The following IBTK variants were observed in gnomAD, a reference collection of about 807,000 sequenced individuals.
IBTK encodes inhibitor of Bruton tyrosine kinase, also known as BTK-binding protein.
In IBTK, 83 loss-of-function variants were observed where a neutral mutation model predicts 154.9. That is an observed-to-expected ratio of 0.54 (90% confidence interval 0.45 to 0.64). IBTK has a LOEUF of 0.64. Among genes scored for constraint, IBTK ranks in the 30% least tolerant of loss-of-function variants. The pLI, the probability that IBTK is intolerant of heterozygous loss-of-function variation, is 0.00. For missense variants in IBTK, 1,332 were observed against 1,584.6 expected (o/e 0.84, Z 2.71); for synonymous variants, 515 against 536.1 (o/e 0.96, Z 0.54).
At position 82,212,709 on chromosome 6, in the gene IBTK, T is replaced by C. The variant is rs371962157; in HGVS notation, c.2289A>G (p.Lys763=). Residue 763 remains lysine (K), a splice_region_variant and synonymous_variant, in exon 13 of 29, where the codon AAA becomes AAG. Coordinates refer to ENST00000306270, the MANE Select transcript of IBTK (RefSeq NM_015525.4). ...TGNKLKLSQK[K]CSFLCDVTMK... The stretch of plus-strand genomic sequence containing the variant: ...TTAATCTTCCTTTCCTTACTTACCA[T>C]TTTTTCTGACTTAGCTTCAGTTTAT... 2 of 1,576,090 alleles carry C rather than the reference T, an allele frequency of 1.3e-6. No homozygotes were observed. The highest frequency in any genetic ancestry group is 1.3e-5 in the African/African-American group (1 of 74,168).
intron 5 of IBTK, 148 bp from the exon 6 acceptor site, chr6:82,225,795 A>G (rs1482277426): frequency 1.7e-6 from 1 of 605,138 alleles, no homozygotes; most frequent in African/African-American, 1.9e-5. Flanking sequence ...ACATTTCAGC[A>G]AAGGGTAGAT....
chr6:82,235,532 T>TG (rs1407117567), intron 2 of IBTK, among the ~76,000 whole-genome samples: 21 of 152,000 alleles, frequency 1.4e-4, no homozygotes, highest in African/African-American at 5.1e-4. Context: ...ACACAGAGGT[T>TG]GCAGTGAACC....
chr6:82,231,104 A>G (rs143574858), intron 4 of IBTK, among the ~76,000 whole-genome samples: 104 of 152,284 alleles, frequency 6.8e-4, no homozygotes, highest in African/African-American at 2.5e-3. Flanking sequence ...GTGAATACAA[A>G]TAATTAAATA....
At chr6:82,192,545 G>C (rs1172197737) in intron 23 of IBTK, among the ~76,000 whole-genome samples, 1 of 151,686 alleles carries the variant, frequency 6.6e-6, no homozygotes, top group South Asian at 2.1e-4. Flanking sequence ...TCAGGAGTTC[G>C]AGACCAGCCT....
chr6:82,178,756 C>G (rs1470571200), intron 26 of IBTK, among the ~76,000 whole-genome samples: 1 of 152,062 alleles, frequency 6.6e-6, no homozygotes, highest in East Asian at 1.9e-4. Flanking sequence ...AGCAAACTGC[C>G]CCAGTAAGTC....
intron 26 of IBTK, among the ~76,000 whole-genome samples, chr6:82,176,536 A>G (rs1322147062): frequency 6.6e-6 from 1 of 151,592 alleles, no homozygotes; most frequent in Admixed American, 6.6e-5. Context: ...AAAAAAAAAA[A>G]AAAAGAAACA....
At position 82,190,183 on chromosome 6, in the gene IBTK, T is replaced by C. The variant is rs73482636; in HGVS notation, c.3575+890A>G. On this transcript the variant is annotated intron_variant, in intron 25 of 28. Transcript: ENST00000306270. ...TAGCCCTAACAAGCACTGATTTAGTTCCATTGGTAACATTTAGAATAAAAT... is the reference window on the plus strand; with the variant it reads ...TAGCCCTAACAAGCACTGATTTAGTCCCATTGGTAACATTTAGAATAAAAT... 4.5e-3 allele frequency among the ~76,000 whole-genome samples: 680 copies of C among 152,316 alleles called. 4 individuals are homozygous for C. Among genetic ancestry groups the C allele is most frequent in the African/African-American group, 0.015 (623 of 41,568 alleles).
rs1401543554 is a variant in IBTK at position 82,223,492 on chromosome 6, T to C, written c.1072A>G (p.Arg358Gly). Residue 358 changes from arginine (R) to glycine (G), a missense_variant, in exon 8 of 29, where the codon AGG becomes GGG. Coordinates refer to ENST00000306270, the MANE Select transcript of IBTK (RefSeq NM_015525.4). ...TCTGCAAGTAAGTAAATATCTCCCC[T>C]TGTGGTAACACAGACTGTAGCTCCA... is the stretch of plus-strand genomic sequence containing the variant. ...SDGATVCVTTRGDIYLLADYQ... is the reference protein window; with the variant it reads ...SDGATVCVTTGGDIYLLADYQ... The C allele has an allele frequency of 2.5e-6, 4 of 1,614,110 alleles. No individual in the cohort carries two copies. Among genetic ancestry groups the C allele is most frequent in the Admixed American group, 1.7e-5 (1 of 60,018 alleles).
chr6:82,212,817 A>C, intron 12 of IBTK, 24 bp from the exon 13 acceptor site: 2 of 1,269,652 alleles, frequency 1.6e-6, no homozygotes, highest in Non-Finnish European at 2.3e-6. Flanking sequence ...ATAAAAATTA[A>C]CAATTGATAT....
At chr6:82,233,959 C>A (rs1204396795) in intron 3 of IBTK, among the ~76,000 whole-genome samples, 200 bp downstream of exon 3, 1 of 152,086 alleles carries the variant, frequency 6.6e-6, no homozygotes, top group Non-Finnish European at 1.5e-5. Flanking sequence ...GAACTCCTGA[C>A]CTCAAGTGAT....
intron 9 of IBTK, among the ~76,000 whole-genome samples, chr6:82,220,388 G>T (rs1391392563): frequency 6.6e-6 from 1 of 152,026 alleles, no homozygotes; most frequent in Non-Finnish European, 1.5e-5. Flanking sequence ...TAGATTAAAT[G>T]CTGTCTGTCA....
At chr6:82,179,450 T>C (rs964910521) in intron 26 of IBTK, among the ~76,000 whole-genome samples, 1 of 152,326 alleles carries the variant, frequency 6.6e-6, no homozygotes, top group African/African-American at 2.4e-5. Context: ...GTTCAGATGA[T>C]AGATATGGGC....
In IBTK at chr6:82,172,396, G is replaced by C. The variant is rs1047082099; in HGVS notation, c.3914C>G (p.Pro1305Arg). Reference protein sequence around the residue: ...EAALIRSREKPLALIQIEEHA... With the variant: ...EAALIRSREKRLALIQIEEHA... ...GTTATTTACCTGAATCAGAGCCAAC[G>C]GTTTTTCTCGACTTCTAATAAGAGC... The change falls in exon 28 of 29, where the codon CCG (proline) becomes CGG (arginine). Residue 1305 changes from proline to arginine, a missense_variant. This residue lies in a region of IBTK where 1,134 missense variants were observed against 1,274.7 expected (regional missense o/e 0.89). Transcript: ENST00000306270. 4 of 1,613,508 alleles carry C rather than the reference G, an allele frequency of 2.5e-6. No homozygotes were observed. Among genetic ancestry groups the C allele is most frequent in the Non-Finnish European group, 3.4e-6 (4 of 1,179,782 alleles).
intron 7 of IBTK, 123 bp from the exon 8 acceptor site, chr6:82,223,743 G>A: frequency 1.4e-6 from 1 of 732,392 alleles, no homozygotes. Context: ...CAGATCCCTT[G>A]AGCCCTGGAG....
chr6:82,194,112 A>G (rs1240464183), intron 23 of IBTK, among the ~76,000 whole-genome samples: 1 of 152,190 alleles, frequency 6.6e-6, no homozygotes, highest in African/African-American at 2.4e-5. Flanking sequence ...AATTTTAAAT[A>G]CCCCTTCACA....
chr6:82,174,372 T>C (rs1768034207), intron 26 of IBTK, among the ~76,000 whole-genome samples: 1 of 152,122 alleles, frequency 6.6e-6, no homozygotes, highest in Admixed American at 6.5e-5. Context: ...TATAAAGTAC[T>C]ATGGATGCAC....
chr6:82,195,822 T>C (rs1768963285), intron 22 of IBTK, among the ~76,000 whole-genome samples: 2 of 152,210 alleles, frequency 1.3e-5, no homozygotes, highest in African/African-American at 4.8e-5. Context: ...CTAGGAATCC[T>C]GCAGCTTAAT....
rs546562781 is a variant in IBTK, at chr6:82,191,901, T to C, written c.3339-22A>G. 16 of 1,467,348 alleles carry C rather than the reference T, an allele frequency of 1.1e-5. No individual in the cohort carries two copies. In the African/African-American group the frequency reaches 2.0e-4, roughly 18 times the overall value. 90.9% of individuals were successfully genotyped at this position (1,467,348 alleles called of 1,614,324 possible). The stretch of plus-strand genomic sequence containing the variant: ...AGGACTAAAAGACATAAAAGGTTAC[T>C]TTGCAAAGCATTCATTTACCTATAA... On this transcript the variant is annotated intron_variant, in intron 23 of 28. Transcript: ENST00000306270.
In IBTK at chr6:82,194,536, A is replaced by C; in HGVS notation, c.3281T>G (p.Ile1094Ser). ...GGTAGTATCAATTCTGTTACTGGGA[A>C]TAGGCTGTGGAGCAGATATTTTAAG... ...PILKISAPQPIPSNRIDTTSS... is the reference protein window; with the variant it reads ...PILKISAPQPSPSNRIDTTSS... Residue 1094 changes from isoleucine (I) to serine (S), a missense_variant, in exon 23 of 29, where the codon ATT becomes AGT. By Grantham distance (142) the Ile-to-Ser change is moderately radical. Coordinates refer to ENST00000306270, the MANE Select transcript of IBTK (RefSeq NM_015525.4). 2 of 1,608,780 alleles carry C rather than the reference A, an allele frequency of 1.2e-6. No homozygotes were observed.
Sources: gnomAD v4.1 joint callset for allele counts (sites outside exome capture counted in the v4.1 genomes callset) on GRCh38, gnomAD v4.1.1 for gene constraint, gnomAD v4.1.1 regional missense constraint, MANE v1.5 for transcripts, NCBI Gene and HGNC (gene_info 2026-07-23, HGNC 2026-07-21) for gene names.